Variants in KCNA6 observed in about 807,000 individuals in gnomAD.
The protein encoded by KCNA6 is human brain potassium channel-2.
A neutral mutation model predicts 29.5 loss-of-function variants in KCNA6; 17 were observed. That is an observed-to-expected ratio of 0.58 (90% CI 0.39 to 0.86). The LOEUF (loss-of-function observed/expected upper bound fraction) is 0.86. Ranked by LOEUF, KCNA6 falls within the 40% of genes least tolerant of loss-of-function variation. The probability of loss-of-function intolerance (pLI) is 0.00; values close to 1 mark genes in which losing one functional copy is unlikely to be tolerated. For synonymous variants in KCNA6, 296 were observed against 304.7 expected, an observed-to-expected ratio of 0.97 and a Z score of 0.30; for missense variants, 450 against 703.4, an observed-to-expected ratio of 0.64 and a Z score of 4.07.
rs2137571274 is a variant in KCNA6 at position 4,810,338 on chromosome 12, C to T, written c.297C>T (p.Tyr99=). 6.2e-7 allele frequency: 1 copy of T among 1,614,196 alleles called. No individual in the cohort carries two copies. The highest frequency in any genetic ancestry group is 2.2e-5 in the East Asian group (1 of 44,866). Reference sequence around the variant, plus strand: ...CCAGCTTCGACGCCATCCTCTACTACTACCAGTCTGGGGGCCGCCTGCGGA... The same window carrying T: ...CCAGCTTCGACGCCATCCTCTACTATTACCAGTCTGGGGGCCGCCTGCGGA... The change falls in exon 1 of 1, where the codon TAC becomes TAT. Residue 99 remains tyrosine (Y), a synonymous_variant. Transcript: ENST00000280684. The surrounding 1 kb of genome is among the most constrained non-coding windows in gnomAD (Gnocchi z 7.5).
the KCNA6 span, among the ~76,000 whole-genome samples, chr12:4,836,946 C>T: frequency 6.6e-6 from 1 of 152,156 alleles, no homozygotes; most frequent in East Asian, 1.9e-4. Context: ...TAGGGATCTC[C>T]AGAGTGATTT....
At chr12:4,828,289 C>A in the KCNA6 span, among the ~76,000 whole-genome samples, 10 of 152,206 alleles carry the variant, frequency 6.6e-5, no homozygotes, top group African/African-American at 2.4e-4. Flanking sequence ...CTATAGAGAT[C>A]ATTCAGCATT....
At chr12:4,841,311 AAG>A in the KCNA6 span, among the ~76,000 whole-genome samples, 1 of 152,218 alleles carries the variant, frequency 6.6e-6, no homozygotes, top group Non-Finnish European at 1.5e-5. Context: ...GCAATTTATT[AAG>A]ATTATAAAAT....
In KCNA6 at chr12:4,810,663, A is replaced by G. The variant is rs1946619319; in HGVS notation, c.622A>G (p.Asn208Asp). Residue 208 changes from asparagine to aspartate, a missense_variant, in exon 1 of 1, where the codon AAT becomes GAT. Asn to Asp is a conservative substitution (Grantham distance 23). Transcript: ENST00000280684. The surrounding 1 kb of genome is among the most constrained non-coding windows in gnomAD (Gnocchi z 7.5). ...CCGTGTAGATGGTCGAGGTGGAAAC[A>G]ATGGTGGTGTGAGTCGAGTCTCCCC... is the stretch of plus-strand genomic sequence containing the variant. 6.2e-7 allele frequency: 1 copy of G among 1,613,670 alleles called. No individual in the cohort carries two copies.
chr12:4,813,099 C>A (rs1248612612), exon 1 of KCNA6: 1 of 166,712 alleles, frequency 6.0e-6, no homozygotes, highest in Admixed American at 6.6e-5. Flanking sequence ...AATTTTATAT[C>A]TATGCTTTCA....
the KCNA6 span, chr12:4,850,776 G>T: frequency 4.4e-6 from 2 of 454,030 alleles, no homozygotes; most frequent in South Asian, 3.1e-5. The surrounding 1 kb of genome is among the most constrained non-coding windows in gnomAD (Gnocchi z 5.4). Flanking sequence ...GGACATCTAT[G>T]CATAGAATTC....
the KCNA6 span, among the ~76,000 whole-genome samples, chr12:4,846,519 C>G: frequency 3.6e-3 from 551 of 152,260 alleles, 4 homozygotes; most frequent in African/African-American, 0.012. Flanking sequence ...CTTTCTTGTA[C>G]TACTTTTTGC....
At chr12:4,834,748 C>T in the KCNA6 span, among the ~76,000 whole-genome samples, 1 of 152,210 alleles carries the variant, frequency 6.6e-6, no homozygotes, top group African/African-American at 2.4e-5. Flanking sequence ...ACTGGGACTA[C>T]AGGCCAAAGT....
At chr12:4,814,370 G>T (rs777549765), downstream of KCNA6, 20 of 167,052 alleles carry the variant, frequency 1.2e-4, no homozygotes, top group Middle Eastern at 3.1e-3. This position sits in a 1 kb window ranked among gnomAD's most constrained non-coding sequence, Gnocchi z 4.6. Flanking sequence ...CTCCGCAGAG[G>T]CAGGCTCTTC....
chr12:4,839,309 G>A, the KCNA6 span: 2 of 152,216 alleles, frequency 1.3e-5, no homozygotes, highest in Non-Finnish European at 2.9e-5. Context: ...TACTCGGTGT[G>A]AAGACAATGA....
the KCNA6 span, among the ~76,000 whole-genome samples, chr12:4,838,343 T>C: frequency 1.3e-5 from 2 of 152,222 alleles, no homozygotes; most frequent in Admixed American, 6.5e-5. Context: ...GCTCCTGGCT[T>C]GTCTAGGAGC....
the KCNA6 span, among the ~76,000 whole-genome samples, chr12:4,833,930 A>C: frequency 1.6e-5 from 1 of 61,124 alleles, no homozygotes; most frequent in African/African-American, 5.8e-5. Context: ...TTTTAAATTA[A>C]ATTTTTTTTT....
At chr12:4,823,632 T>C in the KCNA6 span, among the ~76,000 whole-genome samples, 40 of 152,166 alleles carry the variant, frequency 2.6e-4, no homozygotes, top group Non-Finnish European at 4.0e-4. Flanking sequence ...CCAGGTGTGG[T>C]GGCAGATTTC....
the KCNA6 span, among the ~76,000 whole-genome samples, chr12:4,846,626 C>T: frequency 1.2e-4 from 19 of 152,234 alleles, no homozygotes; most frequent in African/African-American, 4.3e-4. Context: ...CAGTAAACTT[C>T]CCACCAGAAA....
the KCNA6 span, among the ~76,000 whole-genome samples, chr12:4,836,421 G>T: frequency 6.6e-6 from 1 of 152,290 alleles, no homozygotes; most frequent in Admixed American, 6.5e-5. Context: ...GTCAGGGAGG[G>T]TTTCCCAGGG....
chr12:4,837,868 C>G, the KCNA6 span, among the ~76,000 whole-genome samples: 1 of 151,812 alleles, frequency 6.6e-6, no homozygotes, highest in Non-Finnish European at 1.5e-5. Flanking sequence ...CAGTCACTTA[C>G]TGAGCATCTG....
At chr12:4,825,890 C>T in the KCNA6 span, among the ~76,000 whole-genome samples, 9 of 152,354 alleles carry the variant, frequency 5.9e-5, no homozygotes, top group South Asian at 1.2e-3. Context: ...TTCCTATGCA[C>T]GTTGTTAACC....
the KCNA6 span, among the ~76,000 whole-genome samples, chr12:4,849,489 C>CT: frequency 0.078 from 7,919 of 101,190 alleles, 775 homozygotes; most frequent in East Asian, 0.23. Context: ...GATTTTTGCT[C>CT]TTTTTTTTTT....
the KCNA6 span, among the ~76,000 whole-genome samples, chr12:4,829,703 A>T: frequency 4.0e-4 from 57 of 142,224 alleles, no homozygotes; most frequent in African/African-American, 1.2e-3. Flanking sequence ...TTCAGGATTT[A>T]AAAAAAAAAA....
Sources: gnomAD v4.1 joint callset for allele counts (sites outside exome capture counted in the v4.1 genomes callset) on GRCh38, gnomAD v4.1.1 for gene constraint, Gnocchi (gnomAD v3.1) non-coding constraint, MANE v1.5 for transcripts, NCBI Gene and HGNC (gene_info 2026-07-23, HGNC 2026-07-21) for gene names.